Variants in PIP4K2B observed in about 807,000 individuals in gnomAD.
The protein encoded by PIP4K2B is phosphatidylinositol 5-phosphate 4-kinase type-2 beta.
A neutral mutation model predicts 42.0 loss-of-function variants in PIP4K2B; 3 were observed. The observed-to-expected ratio is 0.07, with a 90% CI of 0.03 to 0.18. PIP4K2B has a LOEUF of 0.18. Among genes scored for constraint, PIP4K2B ranks in the 10% least tolerant of loss-of-function variants. The pLI is 1.00. For missense variants in PIP4K2B, 332 were observed against 562.3 expected, an observed-to-expected ratio of 0.59 and a Z score of 4.14; for synonymous variants, 204 against 210.1, an observed-to-expected ratio of 0.97 and a Z score of 0.25.
intron 7 of PIP4K2B, chr17:38,776,653 AC>A (rs1286191670): frequency 6.8e-6 from 3 of 440,362 alleles, no homozygotes; most frequent in African/African-American, 4.1e-5. Flanking sequence ...AAACAAACAA[AC>A]AAAAAAAACA....
At chr17:38,774,010 A>G (rs576113829) in intron 7 of PIP4K2B, among the ~76,000 whole-genome samples, 3 of 152,362 alleles carry the variant, frequency 2.0e-5, no homozygotes, top group African/African-American at 7.2e-5. Context: ...GAAAGGCAGA[A>G]TAAGGAAAGA....
intron 1 of PIP4K2B, among the ~76,000 whole-genome samples, chr17:38,796,851 A>C (rs1216324088): frequency 4.6e-5 from 7 of 152,208 alleles, no homozygotes; most frequent in Admixed American, 3.9e-4. Context: ...AAATGTTACA[A>C]AGTAGGCTTT....
chr17:38,783,537 CT>C (rs1909827702), intron 3 of PIP4K2B, among the ~76,000 whole-genome samples: 1 of 152,112 alleles, frequency 6.6e-6, no homozygotes, highest in Admixed American at 6.5e-5. Flanking sequence ...CCCTTGAAGT[CT>C]TCCTTTTCTA....
intron 7 of PIP4K2B, among the ~76,000 whole-genome samples, chr17:38,775,383 C>G (rs1177987381): frequency 6.6e-6 from 1 of 152,182 alleles, no homozygotes; most frequent in Non-Finnish European, 1.5e-5. Context: ...TCCTGAATAG[C>G]TAGGACTACA....
intron 6 of PIP4K2B, 26 bp from the exon 7 acceptor site, chr17:38,777,826 G>A (rs1183410880): frequency 6.6e-7 from 1 of 1,510,066 alleles, no homozygotes; most frequent in South Asian, 1.1e-5. Flanking sequence ...CAGTTAGGCT[G>A]GGTAAGCCTG....
chr17:38,780,913 G>C (rs1003340332), intron 3 of PIP4K2B, among the ~76,000 whole-genome samples: 4 of 152,176 alleles, frequency 2.6e-5, no homozygotes, highest in African/African-American at 9.7e-5. Context: ...TTCTGCCTCT[G>C]ATGGAGGGGG....
Position 38,768,601 on chromosome 17 carries a change from C to T in PIP4K2B, c.*1090G>A, listed in dbSNP as rs1336388153. 1 of 152,210 alleles carries T rather than the reference C, an allele frequency of 6.6e-6. No homozygotes were observed. Among genetic ancestry groups the T allele is most frequent in the Non-Finnish European group, 1.5e-5 (1 of 68,048 alleles). The allele number at this position is 152,210 out of a possible 1,614,324, so 9.4% of individuals were successfully genotyped here. On this transcript the variant is annotated 3_prime_UTR_variant, in exon 10 of 10. Transcript: ENST00000619039. Reference sequence around the variant, plus strand: ...CCTACAAGGTCATCCCGGAGCTTAACGAGGTGTCTCTGCTAAAAAGCACTC... The same window carrying T: ...CCTACAAGGTCATCCCGGAGCTTAATGAGGTGTCTCTGCTAAAAAGCACTC...
intron 1 of PIP4K2B, among the ~76,000 whole-genome samples, chr17:38,788,567 C>G (rs935454027): frequency 1.3e-5 from 2 of 152,016 alleles, no homozygotes; most frequent in Middle Eastern, 6.8e-3. Flanking sequence ...CTGATAAAAG[C>G]AGGGCCAGGC....
intron 3 of PIP4K2B, among the ~76,000 whole-genome samples, chr17:38,782,518 C>T (rs1909770120): frequency 6.6e-6 from 1 of 152,206 alleles, no homozygotes; most frequent in South Asian, 2.1e-4. Flanking sequence ...TCCAGAAAAC[C>T]TCCAGCCCCA....
chr17:38,796,246 C>T (rs1257964998), intron 1 of PIP4K2B, among the ~76,000 whole-genome samples: 2 of 152,160 alleles, frequency 1.3e-5, no homozygotes, highest in Admixed American at 6.5e-5. Flanking sequence ...GATGCAGATA[C>T]TGGAACTCTT....
At chr17:38,784,723 G>T (rs1169277395) in intron 2 of PIP4K2B, among the ~76,000 whole-genome samples, 1 of 152,184 alleles carries the variant, frequency 6.6e-6, no homozygotes, top group Non-Finnish European at 1.5e-5. Context: ...TATTCACTTT[G>T]TAAAAGTAAT....
intron 7 of PIP4K2B, chr17:38,776,141 T>G: frequency 2.6e-6 from 1 of 382,206 alleles, no homozygotes; most frequent in Non-Finnish European, 5.2e-6. Flanking sequence ...CGGCTAATTT[T>G]GTATTTTCAG....
chr17:38,778,426 T>C (rs1909490429), intron 5 of PIP4K2B, 54 bp from the exon 6 acceptor site: 4 of 1,529,876 alleles, frequency 2.6e-6, no homozygotes. Context: ...GTCGACTGCA[T>C]GAGCAAACAT....
At chr17:38,775,978 TC>T in intron 7 of PIP4K2B, 2 of 448,142 alleles carry the variant, frequency 4.5e-6, no homozygotes, top group East Asian at 7.0e-5. Context: ...GCTGTTTGCT[TC>T]CTTTTTTTTT....
At chr17:38,785,361 T>C (rs914430830) in intron 2 of PIP4K2B, among the ~76,000 whole-genome samples, 5 of 152,178 alleles carry the variant, frequency 3.3e-5, no homozygotes, top group Non-Finnish European at 5.9e-5. Flanking sequence ...TAGTAAACAG[T>C]GCTAGAATCT....
At chr17:38,797,566 C>G (rs1397503760) in intron 1 of PIP4K2B, among the ~76,000 whole-genome samples, 1 of 152,174 alleles carries the variant, frequency 6.6e-6, no homozygotes, top group Non-Finnish European at 1.5e-5. Context: ...AATCCTCCAC[C>G]TGAGGCCTCC....
intron 7 of PIP4K2B, among the ~76,000 whole-genome samples, chr17:38,774,963 T>TG (rs1909253199): frequency 6.6e-6 from 1 of 151,420 alleles, no homozygotes; most frequent in Admixed American, 6.6e-5. Context: ...TGTGTGTGTG[T>TG]TTTTGAGATG....
At chr17:38,783,130 G>A (rs1459715435) in intron 3 of PIP4K2B, among the ~76,000 whole-genome samples, 1 of 137,132 alleles carries the variant, frequency 7.3e-6, no homozygotes, top group Non-Finnish European at 1.5e-5. Context: ...GGGAGGCAGA[G>A]GTTGCAGTGA....
At chr17:38,779,345 A>AG in intron 5 of PIP4K2B, 38 bp downstream of exon 5, 5 of 1,574,642 alleles carry the variant, frequency 3.2e-6, no homozygotes, top group Non-Finnish European at 4.4e-6. Context: ...GCTCAGATAG[A>AG]GGGGAGGCAC....
Sources: allele counts gnomAD v4.1 joint callset (sites outside exome capture counted in the v4.1 genomes callset), GRCh38; gene constraint gnomAD v4.1.1; transcripts MANE v1.5; gene names NCBI Gene and HGNC (gene_info 2026-07-23, HGNC 2026-07-21).